Variants in RMND1 observed in about 807,000 individuals in gnomAD.
The protein encoded by RMND1 is required for meiotic nuclear division 1 homolog.
Under a neutral mutation model 54.0 loss-of-function variants are expected in RMND1, and 41 were observed. The observed-to-expected ratio is 0.76, with a 90% CI of 0.59 to 0.98. The LOEUF is 0.98. Ranked by LOEUF, RMND1 falls within the 50% of genes least tolerant of loss-of-function variation. The pLI is 0.00. For missense variants in RMND1, 457 were observed against 532.0 expected (o/e 0.86, Z 1.39); for synonymous variants, 183 against 181.7 (o/e 1.01, Z -0.06).
chr6:151,435,227 C>T (rs185035350), intron 3 of RMND1, among the ~76,000 whole-genome samples: 1 of 152,198 alleles, frequency 6.6e-6, no homozygotes, highest in Non-Finnish European at 1.5e-5. Context: ...CTCACTGCAA[C>T]CTCCACCCTC....
chr6:151,410,324 G>C (rs926440980), intron 10 of RMND1, among the ~76,000 whole-genome samples: 22 of 152,036 alleles, frequency 1.4e-4, no homozygotes, highest in African/African-American at 5.1e-4. Flanking sequence ...CAAAATGCTG[G>C]GATTACAGGC....
At chr6:151,411,372 TG>T (rs1472385871) in intron 10 of RMND1, 1 of 152,470 alleles carries the variant, frequency 6.6e-6, no homozygotes, top group Non-Finnish European at 1.5e-5. Context: ...TGCCAGGGAC[TG>T]GGGTGGCTTT....
chr6:151,450,901 C>T (rs1381439949), intron 1 of RMND1, among the ~76,000 whole-genome samples: 1 of 152,142 alleles, frequency 6.6e-6, no homozygotes, highest in Non-Finnish European at 1.5e-5. Flanking sequence ...GGTGACCTTA[C>T]CCCCAACCCT....
In RMND1 at chr6:151,436,560, C is replaced by T. The variant is rs748687594; in HGVS notation, c.505-6G>A. ...GCTGTGCAGTGCATTAGGTCCTGTTCCAGGGAAATGAGCATAACATGGGTT... is the reference window on the plus strand; with the variant it reads ...GCTGTGCAGTGCATTAGGTCCTGTTTCAGGGAAATGAGCATAACATGGGTT... On this transcript the variant is annotated splice_region_variant and splice_polypyrimidine_tract_variant and intron_variant, in intron 2 of 11. Transcript: ENST00000444024. 3.7e-6 allele frequency: 6 copies of T among 1,613,278 alleles called. No homozygotes were observed. The Admixed American group carries it at 5.0e-5, about 13-fold the overall frequency.
chr6:151,415,686 A>G (rs1465346634), intron 10 of RMND1, among the ~76,000 whole-genome samples: 3 of 151,482 alleles, frequency 2.0e-5, no homozygotes, highest in African/African-American at 7.3e-5. Flanking sequence ...CCACCTACTC[A>G]GGAGGCTGAG....
intron 10 of RMND1, among the ~76,000 whole-genome samples, chr6:151,410,277 G>T (rs564554848): frequency 5.9e-5 from 9 of 152,138 alleles, no homozygotes; most frequent in Middle Eastern, 3.4e-3. Flanking sequence ...GGATGGTCTG[G>T]ATCTCCTGAC....
At chr6:151,408,590 T>C (rs1170472682) in intron 10 of RMND1, 1 of 152,216 alleles carries the variant, frequency 6.6e-6, no homozygotes, top group Non-Finnish European at 1.5e-5. Context: ...GAATATAATA[T>C]GGCAAAGGAG....
chr6:151,437,154 T>C (rs977025289), intron 2 of RMND1, among the ~76,000 whole-genome samples: 1 of 152,264 alleles, frequency 6.6e-6, no homozygotes, highest in Non-Finnish European at 1.5e-5. Flanking sequence ...TGTGTCTATA[T>C]AAAATACAGA....
At position 151,437,376 on chromosome 6, in the gene RMND1, T is replaced by A. The variant is rs150971154; in HGVS notation, c.505-822A>T. On this transcript the variant is annotated intron_variant, in intron 2 of 11. Transcript: ENST00000444024. ...TATCTACTCTAGGTCGCTATGTATG[T>A]AAAATGTTAAATATATTTCTCACTA... Among the ~76,000 whole-genome samples the A allele has an allele frequency of 9.2e-5, 14 of 152,360 alleles. No individual in the cohort carries two copies. In the East Asian group the frequency reaches 2.7e-3, roughly 29 times the overall value.
chr6:151,416,697 T>A (rs1419951375), intron 10 of RMND1: 1 of 152,308 alleles, frequency 6.6e-6, no homozygotes, highest in Non-Finnish European at 1.5e-5. Context: ...GTGCTGGGAT[T>A]TCTTAATACA....
chr6:151,443,660 G>A (rs530251917), intron 2 of RMND1, among the ~76,000 whole-genome samples: 8 of 152,148 alleles, frequency 5.3e-5, no homozygotes, highest in Non-Finnish European at 1.2e-4. Flanking sequence ...GACAGCATGC[G>A]ACTTGCTCTT....
chr6:151,406,238 G>A (rs1262042910), intron 10 of RMND1, among the ~76,000 whole-genome samples: 2 of 152,140 alleles, frequency 1.3e-5, no homozygotes, highest in African/African-American at 2.4e-5. Flanking sequence ...ACCACTAGAT[G>A]GCATTGCTTT....
intron 10 of RMND1, among the ~76,000 whole-genome samples, chr6:151,407,542 CTAT>C (rs1779668168): frequency 1.3e-5 from 2 of 152,176 alleles, no homozygotes; most frequent in Admixed American, 1.3e-4. Context: ...GTCCCAAAGT[CTAT>C]TATTAAGTCT....
chr6:151,447,860 C>A (rs1781004590), intron 1 of RMND1, among the ~76,000 whole-genome samples: 2 of 137,360 alleles, frequency 1.5e-5, no homozygotes, highest in Admixed American at 1.6e-4. Flanking sequence ...GTCACTCAGG[C>A]TGGAGTGCAG....
rs1282096499 is a variant in RMND1 at position 151,452,123 on chromosome 6, TCC to T, written c.-124_-123del. The T allele has an allele frequency of 2.5e-5, 5 of 200,282 alleles. No homozygotes were observed. Among genetic ancestry groups the T allele is most frequent in the Non-Finnish European group, 5.2e-5 (5 of 96,856 alleles). 12.4% of individuals were successfully genotyped at this position (200,282 alleles called of 1,614,324 possible). A position where few individuals can be genotyped will look rare whatever the true frequency, so the allele number is the denominator to read the frequency against. On this transcript the variant is annotated 5_prime_UTR_variant, in exon 1 of 12. Coordinates refer to ENST00000444024, the MANE Select transcript of RMND1 (RefSeq NM_017909.4). ...CTCTCACTACTGCAGCCAACCCATC[TCC>T]TGGAAGGGCGCTCCCGCCCACCCCC...
At chr6:151,450,413 C>A (rs563246592) in intron 1 of RMND1, among the ~76,000 whole-genome samples, 1 of 121,558 alleles carries the variant, frequency 8.2e-6, no homozygotes, top group Non-Finnish European at 1.8e-5. Flanking sequence ...TGGGGGTCAG[C>A]CCCCCGCCCG....
intron 7 of RMND1, 56 bp downstream of exon 7, chr6:151,423,469 T>C: frequency 9.1e-7 from 1 of 1,097,486 alleles, no homozygotes; most frequent in South Asian, 1.3e-5. Flanking sequence ...CTATTTAAAC[T>C]TCCCTCAGTG....
intron 2 of RMND1, among the ~76,000 whole-genome samples, chr6:151,437,607 C>T (rs1263253906): frequency 6.6e-6 from 1 of 152,106 alleles, no homozygotes; most frequent in African/African-American, 2.4e-5. Flanking sequence ...TCTAGTTGGC[C>T]AAAACAAGTT....
chr6:151,410,343 C>T (rs569730941), intron 10 of RMND1, among the ~76,000 whole-genome samples: 18 of 152,286 alleles, frequency 1.2e-4, no homozygotes, highest in African/African-American at 4.1e-4. Flanking sequence ...GCATGAGCCA[C>T]CGCACCCGGC....
Sources: allele counts gnomAD v4.1 joint callset (sites outside exome capture counted in the v4.1 genomes callset), GRCh38; gene constraint gnomAD v4.1.1; transcripts MANE v1.5; gene names NCBI Gene and HGNC (gene_info 2026-07-23, HGNC 2026-07-21).